Variants in CNTN6 observed in about 807,000 individuals in gnomAD.
CNTN6 encodes the protein contactin 6.
Under a neutral mutation model 122.8 loss-of-function variants are expected in CNTN6, and 137 were observed. The observed-to-expected ratio is 1.12, with a 90% CI of 0.97 to 1.29. The LOEUF is 1.29. CNTN6 is among the 50% of genes most tolerant of loss of function. CNTN6 has a pLI of 0.00. For synonymous variants in CNTN6, 570 were observed against 426.0 expected (o/e 1.34, Z -4.16); for missense variants, 1,634 against 1,223.4 (o/e 1.34, Z -5.01).
rs559362677 is a variant in CNTN6 at position 1,293,807 on chromosome 3, C to T, written c.455-1794C>T. On this transcript the variant is annotated intron_variant, in intron 5 of 22. Transcript: ENST00000446702. The stretch of plus-strand genomic sequence containing the variant: ...TCTCCTTTGGACCAGCTATATTCTT[C>T]TACTTCCCTAGACATAGTTCTACTC... 5.3e-5 allele frequency among the ~76,000 whole-genome samples: 8 copies of T among 152,302 alleles called. No individual in the cohort carries two copies. The East Asian group carries it at 1.2e-3, about 22-fold the overall frequency.
chr3:1,345,425 C>G (rs1704539379), intron 11 of CNTN6, among the ~76,000 whole-genome samples: 1 of 152,048 alleles, frequency 6.6e-6, no homozygotes, highest in Non-Finnish European at 1.5e-5. Flanking sequence ...CATACAATTA[C>G]TTATAATTAA....
At chr3:1,356,596 A>G (rs1575838430) in intron 12 of CNTN6, among the ~76,000 whole-genome samples, 1 of 151,816 alleles carries the variant, frequency 6.6e-6, no homozygotes, top group African/African-American at 2.4e-5. Context: ...GATTGAGCAG[A>G]CCAAAAGTAC....
At chr3:1,157,649 G>T (rs566184170) in intron 2 of CNTN6, among the ~76,000 whole-genome samples, 1 of 148,892 alleles carries the variant, frequency 6.7e-6, no homozygotes, top group Non-Finnish European at 1.5e-5. Context: ...CCCTCCCGCC[G>T]TCCCAGTTTC....
intron 1 of CNTN6, among the ~76,000 whole-genome samples, chr3:1,144,520 A>G (rs111894499): frequency 0.011 from 1,720 of 152,132 alleles, 34 homozygotes; most frequent in African/African-American, 0.039. Flanking sequence ...GGTTGGAGTG[A>G]GCCAAGATCG....
chr3:1,169,847 A>G (rs1042046923), intron 2 of CNTN6, among the ~76,000 whole-genome samples: 1 of 152,210 alleles, frequency 6.6e-6, no homozygotes. Flanking sequence ...TGACTTTGAT[A>G]AATAATCAAA....
intron 22 of CNTN6, among the ~76,000 whole-genome samples, chr3:1,402,993 C>T (rs1169744115): frequency 6.6e-6 from 1 of 152,078 alleles, no homozygotes. Flanking sequence ...AATAATGTAT[C>T]ATTTTTGCAT....
intron 2 of CNTN6, among the ~76,000 whole-genome samples, chr3:1,195,823 A>C (rs1342702743): frequency 6.6e-6 from 1 of 152,088 alleles, no homozygotes; most frequent in Non-Finnish European, 1.5e-5. Flanking sequence ...TTATTTCTAC[A>C]TTTTTGGGAC....
At chr3:1,261,817 A>C (rs747572169) in intron 4 of CNTN6, among the ~76,000 whole-genome samples, 3 of 152,186 alleles carry the variant, frequency 2.0e-5, no homozygotes, top group Non-Finnish European at 4.4e-5. Flanking sequence ...ACATTTTATC[A>C]CATAATTTTA....
At chr3:1,102,989 C>T (rs948760259) in intron 1 of CNTN6, among the ~76,000 whole-genome samples, 2 of 151,354 alleles carry the variant, frequency 1.3e-5, no homozygotes, top group African/African-American at 2.4e-5. Context: ...GCCTGTGGTC[C>T]CAGCTACTCG....
chr3:1,192,239 C>T (rs2093712326), intron 2 of CNTN6, among the ~76,000 whole-genome samples: 1 of 152,154 alleles, frequency 6.6e-6, no homozygotes, highest in Non-Finnish European at 1.5e-5. Flanking sequence ...CCAATTCTCA[C>T]TTTTCTGAAG....
intron 20 of CNTN6, 53 bp downstream of exon 20, chr3:1,385,850 T>C: frequency 6.9e-7 from 1 of 1,440,760 alleles, no homozygotes; most frequent in African/African-American, 1.4e-5. Context: ...GAGCAACCTA[T>C]TCCTTTGCTT....
At chr3:1,394,391 G>T in intron 20 of CNTN6, 1 of 156,060 alleles carries the variant, frequency 6.4e-6, no homozygotes, top group South Asian at 1.8e-4. Context: ...TTTGCGCCCA[G>T]GGTCGTTCCC....
chr3:1,215,000 C>A (rs2094110386), intron 2 of CNTN6, among the ~76,000 whole-genome samples: 1 of 152,148 alleles, frequency 6.6e-6, no homozygotes, highest in African/African-American at 2.4e-5. Context: ...CTCAAGTGAT[C>A]CTTCTGTCTT....
At chr3:1,189,884 C>T (rs1277690644) in intron 2 of CNTN6, among the ~76,000 whole-genome samples, 1 of 152,172 alleles carries the variant, frequency 6.6e-6, no homozygotes, top group Non-Finnish European at 1.5e-5. Flanking sequence ...ATCAGAGTGG[C>T]AAAGCATTCT....
chr3:1,151,070 G>A (rs1041674559), intron 2 of CNTN6, among the ~76,000 whole-genome samples: 7 of 152,086 alleles, frequency 4.6e-5, no homozygotes, highest in African/African-American at 1.7e-4. Context: ...TTTCAGCCCC[G>A]TGAATCCCAT....
chr3:1,230,154 T>A (rs577332520), intron 4 of CNTN6, among the ~76,000 whole-genome samples: 93 of 152,280 alleles, frequency 6.1e-4, no homozygotes, highest in African/African-American at 2.1e-3. Context: ...ACAATATCAA[T>A]TGTGATAGAA....
chr3:1,386,181 T>C (rs1173964303), intron 20 of CNTN6, among the ~76,000 whole-genome samples: 1 of 152,178 alleles, frequency 6.6e-6, no homozygotes, highest in Non-Finnish European at 1.5e-5. Context: ...TATTTATGTT[T>C]TCATAGGTTT....
chr3:1,267,524 G>A (rs1050805431), intron 4 of CNTN6, among the ~76,000 whole-genome samples: 14 of 152,102 alleles, frequency 9.2e-5, no homozygotes, highest in African/African-American at 3.4e-4. Flanking sequence ...CCCCTCTCAC[G>A]GTACACCTCT....
intron 12 of CNTN6, among the ~76,000 whole-genome samples, chr3:1,366,817 C>T (rs1708301459): frequency 6.6e-6 from 1 of 152,086 alleles, no homozygotes; most frequent in South Asian, 2.1e-4. Context: ...ATGTTCTTGT[C>T]CAAGCACCTC....
Sources: allele counts gnomAD v4.1 joint callset (sites outside exome capture counted in the v4.1 genomes callset), GRCh38; gene constraint gnomAD v4.1.1; transcripts MANE v1.5; gene names NCBI Gene and HGNC (gene_info 2026-07-23, HGNC 2026-07-21).